Variants in USH2A observed in about 807,000 individuals in gnomAD.
USH2A encodes Usher syndrome 2A (autosomal recessive, mild).
A neutral mutation model predicts 538.9 loss-of-function variants in USH2A; 443 were observed. The ratio of observed to expected loss-of-function variants is 0.82; its 90% confidence interval spans 0.76 to 0.89. USH2A has a LOEUF of 0.89. USH2A is among the 40% of genes least tolerant of loss of function. The pLI is 0.00. For synonymous variants in USH2A, 2,413 were observed against 2,273.5 expected, an observed-to-expected ratio of 1.06 and a Z score of -1.75; for missense variants, 6,633 against 6,324.8, an observed-to-expected ratio of 1.05 and a Z score of -1.65.
intron 9 of USH2A, among the ~76,000 whole-genome samples, chr1:216,310,317 A>G (rs945027392): frequency 6.6e-6 from 1 of 151,994 alleles, no homozygotes; most frequent in Non-Finnish European, 1.5e-5. Context: ...ATACCTTTTT[A>G]AAACTTTTTT....
chr1:216,370,900 A>G (rs1413422467), intron 3 of USH2A, among the ~76,000 whole-genome samples: 1 of 152,112 alleles, frequency 6.6e-6, no homozygotes, highest in African/African-American at 2.4e-5. Flanking sequence ...AGGAAAGGTG[A>G]CATCCCCTGT....
chr1:216,407,165 C>T (rs2039409714), intron 3 of USH2A, among the ~76,000 whole-genome samples: 1 of 152,006 alleles, frequency 6.6e-6, no homozygotes, highest in African/African-American at 2.4e-5. Flanking sequence ...CAATTGAACA[C>T]TAAGTATAAG....
chr1:215,673,996 C>T, intron 63 of USH2A, 104 bp downstream of exon 63: 2 of 1,598,998 alleles, frequency 1.3e-6, no homozygotes, highest in Middle Eastern at 1.7e-4. Flanking sequence ...TTGGGGACAC[C>T]TTGCATCCCA....
In USH2A at chr1:215,877,752, T is replaced by A; in HGVS notation, c.8681+6A>T. On this transcript the variant is annotated splice_donor_region_variant and intron_variant, in intron 43 of 71. Transcript: ENST00000307340. ...GCATTTGTTTTTATAGTTTTTGTAATCTCACCTGCTAAGACCCTTATCTTC... is the reference window on the plus strand; with the variant it reads ...GCATTTGTTTTTATAGTTTTTGTAAACTCACCTGCTAAGACCCTTATCTTC... The A allele has an allele frequency of 6.2e-7, 1 of 1,613,562 alleles. No homozygotes were observed. The highest frequency in any genetic ancestry group is 8.5e-7 in the Non-Finnish European group (1 of 1,179,564).
intron 16 of USH2A, among the ~76,000 whole-genome samples, chr1:216,206,560 T>C (rs1401133704): frequency 6.6e-6 from 1 of 152,196 alleles, no homozygotes; most frequent in Non-Finnish European, 1.5e-5. Flanking sequence ...GCTCACCTCC[T>C]GCTGTGTGGT....
chr1:215,832,757 T>G (rs1663360816), intron 47 of USH2A, among the ~76,000 whole-genome samples: 1 of 151,760 alleles, frequency 6.6e-6, no homozygotes, highest in South Asian at 2.1e-4. Flanking sequence ...GAAAAAGAAA[T>G]AAAAGACATA....
chr1:216,338,137 C>T (rs1036382723), intron 4 of USH2A, among the ~76,000 whole-genome samples: 3 of 151,274 alleles, frequency 2.0e-5, no homozygotes, highest in Admixed American at 2.0e-4. Flanking sequence ...TCTCAATAAA[C>T]ATTTTTATAT....
intron 63 of USH2A, 105 bp downstream of exon 63, chr1:215,673,995 C>T (rs1657906914): frequency 1.2e-6 from 2 of 1,600,838 alleles, no homozygotes; most frequent in East Asian, 2.2e-5. Flanking sequence ...GTTGGGGACA[C>T]CTTGCATCCC....
intron 15 of USH2A, among the ~76,000 whole-genome samples, chr1:216,209,659 C>T (rs557317981): frequency 3.9e-5 from 6 of 152,268 alleles, no homozygotes; most frequent in South Asian, 4.2e-4. Flanking sequence ...CACACACACA[C>T]GTTTTTGTCC....
At chr1:216,151,084 G>A (rs528141441) in intron 21 of USH2A, among the ~76,000 whole-genome samples, 47 of 152,040 alleles carry the variant, frequency 3.1e-4, no homozygotes, top group African/African-American at 8.9e-4. Flanking sequence ...ACCCAGCCCC[G>A]AAAATAACAG....
Position 215,992,079 on chromosome 1 carries a change from A to C in USH2A, c.6805+941T>G, listed in dbSNP as rs116497515. Among the ~76,000 whole-genome samples, 1,515 of 152,338 alleles carry C rather than the reference A, an allele frequency of 9.9e-3. 23 individuals carry two copies. The highest frequency in any genetic ancestry group is 0.034 in the African/African-American group (1,432 of 41,592). On this transcript the variant is annotated intron_variant, in intron 35 of 71. Coordinates refer to ENST00000307340, the MANE Select transcript of USH2A (RefSeq NM_206933.4). The stretch of plus-strand genomic sequence containing the variant: ...AGTGCATTTGCCAAAAGTTTAATTA[A>C]AATGAGATGGCTGGAATAATTAATA...
At chr1:216,348,251 T>C (rs1035828215) in intron 4 of USH2A, among the ~76,000 whole-genome samples, 2 of 152,138 alleles carry the variant, frequency 1.3e-5, no homozygotes, top group South Asian at 2.1e-4. Flanking sequence ...CAGGACACAA[T>C]TGGAAAAATT....
chr1:216,032,690 T>C (rs958584457), intron 32 of USH2A, among the ~76,000 whole-genome samples: 4 of 152,042 alleles, frequency 2.6e-5, no homozygotes, highest in African/African-American at 9.7e-5. Flanking sequence ...TCAGAGAGAT[T>C]TGAAGCATGA....
chr1:215,752,368 T>A (rs1660648212), intron 58 of USH2A, among the ~76,000 whole-genome samples: 1 of 152,134 alleles, frequency 6.6e-6, no homozygotes, highest in African/African-American at 2.4e-5. Flanking sequence ...GAGCTTAGAG[T>A]GTTTTGGTAA....
At chr1:216,325,154 G>A (rs923873758) in intron 6 of USH2A, 151 bp downstream of exon 6, 2 of 922,490 alleles carry the variant, frequency 2.2e-6, no homozygotes. Context: ...GAATCTTTAA[G>A]GGAATGTAGC....
Position 216,384,721 on chromosome 1 carries a change from G to T in USH2A, c.652-19636C>A, listed in dbSNP as rs543481587. On this transcript the variant is annotated intron_variant, in intron 3 of 71. Coordinates refer to ENST00000307340, the MANE Select transcript of USH2A (RefSeq NM_206933.4). ...TCTGCAATCTATACACAGGAATTAA[G>T]AAGGCAGTCAGGTGAATGATTTGAG... 6.6e-5 allele frequency among the ~76,000 whole-genome samples: 10 copies of T among 152,078 alleles called. No homozygotes were observed. The South Asian group carries it at 2.1e-3, about 32-fold the overall frequency.
intron 21 of USH2A, among the ~76,000 whole-genome samples, chr1:216,116,980 C>A (rs1240455542): frequency 6.6e-6 from 1 of 152,106 alleles, no homozygotes. Context: ...AGGGGGTGCT[C>A]CTGAGGGAAG....
intron 11 of USH2A, among the ~76,000 whole-genome samples, chr1:216,252,595 A>G (rs2036185015): frequency 6.6e-6 from 1 of 152,250 alleles, no homozygotes; most frequent in African/African-American, 2.4e-5. Flanking sequence ...AGGATAATTA[A>G]GACAATTGAT....
intron 14 of USH2A, among the ~76,000 whole-genome samples, chr1:216,221,714 G>A (rs561458066): frequency 9.8e-5 from 15 of 152,294 alleles, no homozygotes; most frequent in Admixed American, 4.6e-4. Flanking sequence ...TGCTCAGCAA[G>A]GTTCTGATCT....
Sources: allele counts gnomAD v4.1 joint callset (sites outside exome capture counted in the v4.1 genomes callset), GRCh38; gene constraint gnomAD v4.1.1; transcripts MANE v1.5; gene names NCBI Gene and HGNC (gene_info 2026-07-23, HGNC 2026-07-21).